Variants in OLA1 observed in about 807,000 individuals in gnomAD.
OLA1 encodes the protein Obg like ATPase 1, also known as obg-like ATPase 1.
OLA1 carries 14 observed loss-of-function variants against 48.4 expected under a neutral mutation model. The ratio of observed to expected loss-of-function variants is 0.29; its 90% CI spans 0.19 to 0.45. The LOEUF is 0.45. OLA1 is among the 20% of genes least tolerant of loss of function. OLA1 has a pLI of 1.00. For synonymous variants in OLA1, 127 were observed against 150.4 expected, an observed-to-expected ratio of 0.84 and a Z score of 1.14; for missense variants, 325 against 467.1, an observed-to-expected ratio of 0.70 and a Z score of 2.80.
intron 8 of OLA1, among the ~76,000 whole-genome samples, 172 bp downstream of exon 8, chr2:174,081,752 A>T (rs1684858459): frequency 6.6e-6 from 1 of 152,150 alleles, no homozygotes; most frequent in South Asian, 2.1e-4. Flanking sequence ...TGACAGTTAA[A>T]AACTTAATTT....
chr2:174,147,105 A>G (rs1419149265), intron 4 of OLA1, among the ~76,000 whole-genome samples: 1 of 152,176 alleles, frequency 6.6e-6, no homozygotes, highest in Non-Finnish European at 1.5e-5. Context: ...ATCAAGTCAC[A>G]CATTTTCAAG....
intron 5 of OLA1, among the ~76,000 whole-genome samples, chr2:174,124,957 A>G (rs1686014129): frequency 6.6e-6 from 1 of 152,206 alleles, no homozygotes; most frequent in Non-Finnish European, 1.5e-5. Context: ...GGGCAAGCTG[A>G]AAACTTTTAA....
At chr2:174,204,233 C>G (rs1397252241) in intron 4 of OLA1, among the ~76,000 whole-genome samples, 1 of 151,986 alleles carries the variant, frequency 6.6e-6, no homozygotes, top group African/African-American at 2.4e-5. Context: ...AACCCCGTCT[C>G]CACTAAAATT....
intron 4 of OLA1, among the ~76,000 whole-genome samples, chr2:174,178,715 T>C (rs1222230303): frequency 6.6e-6 from 1 of 151,978 alleles, no homozygotes; most frequent in African/African-American, 2.4e-5. Flanking sequence ...TTGGTTTAAA[T>C]GTCTAATCAC....
At chr2:174,193,176 G>A (rs1457289832) in intron 4 of OLA1, among the ~76,000 whole-genome samples, 1 of 148,684 alleles carries the variant, frequency 6.7e-6, no homozygotes, top group African/African-American at 2.5e-5. Context: ...TGCAACTTCC[G>A]CCCTCTGGAT....
intron 3 of OLA1, among the ~76,000 whole-genome samples, chr2:174,226,750 C>T (rs1285737635): frequency 6.6e-6 from 1 of 152,106 alleles, no homozygotes; most frequent in Non-Finnish European, 1.5e-5. Context: ...CTTCCCACCT[C>T]GGCCTCCCAA....
At chr2:174,194,583 T>G in intron 4 of OLA1, among the ~76,000 whole-genome samples, 1 of 152,160 alleles carries the variant, frequency 6.6e-6, no homozygotes, top group Non-Finnish European at 1.5e-5. Flanking sequence ...TAAAAATATT[T>G]CCCGATGACT....
rs970809717 is a variant in OLA1, at chr2:174,211,203, ACACTCT to A, written c.373+11824_373+11829del. ...ACAACACACACACACACACACACAC[ACACTCT>A]CTCTCTCTCTCTCTTTCTCTCACTA... On this transcript the variant is annotated intron_variant, in intron 4 of 10. Transcript: ENST00000284719. Among the ~76,000 whole-genome samples, 20 of 126,332 alleles carry A rather than the reference ACACTCT, an allele frequency of 1.6e-4. 1 individual carries two copies. Among genetic ancestry groups the A allele is most frequent in the African/African-American group, 5.8e-4 (20 of 34,482 alleles). 82.9% of individuals were successfully genotyped at this position (126,332 alleles called of 152,430 possible). A position where few individuals can be genotyped will look rare whatever the true frequency, so the allele number is the denominator to read the frequency against.
chr2:174,101,697 C>G (rs750860437), intron 7 of OLA1, among the ~76,000 whole-genome samples: 22 of 152,050 alleles, frequency 1.4e-4, no homozygotes, highest in Non-Finnish European at 2.6e-4. Flanking sequence ...GCAACAGAGT[C>G]AAGGACAGTA....
At chr2:174,149,212 C>T (rs899463934) in intron 4 of OLA1, among the ~76,000 whole-genome samples, 1 of 152,192 alleles carries the variant, frequency 6.6e-6, no homozygotes, top group African/African-American at 2.4e-5. Context: ...AATCTAACAG[C>T]CATTCTATAG....
chr2:174,238,184 A>G (rs1188447028), intron 2 of OLA1, among the ~76,000 whole-genome samples: 1 of 152,208 alleles, frequency 6.6e-6, no homozygotes, highest in Non-Finnish European at 1.5e-5. Context: ...AAAGATGTCA[A>G]TATTCTTAGC....
At chr2:174,153,936 G>A (rs1686807424) in intron 4 of OLA1, among the ~76,000 whole-genome samples, 2 of 152,090 alleles carry the variant, frequency 1.3e-5, no homozygotes, top group Non-Finnish European at 2.9e-5. Context: ...GCACAATCAC[G>A]ACTCATTGCA....
chr2:174,164,014 G>A (rs1382747219), intron 4 of OLA1, among the ~76,000 whole-genome samples: 1 of 151,466 alleles, frequency 6.6e-6, no homozygotes, highest in East Asian at 2.0e-4. Context: ...AATCATGGGA[G>A]TGGTTACCCC....
intron 5 of OLA1, among the ~76,000 whole-genome samples, chr2:174,134,094 G>T (rs191010403): frequency 6.6e-6 from 1 of 152,192 alleles, no homozygotes; most frequent in Admixed American, 6.5e-5. Flanking sequence ...CATGCACATT[G>T]TAGTATCAGT....
intron 4 of OLA1, among the ~76,000 whole-genome samples, chr2:174,181,605 G>A (rs1428594193): frequency 6.6e-6 from 1 of 152,004 alleles, no homozygotes; most frequent in Non-Finnish European, 1.5e-5. Context: ...TATGATCAGA[G>A]GGAAAGGTAG....
intron 7 of OLA1, among the ~76,000 whole-genome samples, chr2:174,090,240 T>C (rs1685083851): frequency 1.3e-5 from 2 of 152,200 alleles, no homozygotes; most frequent in Admixed American, 1.3e-4. Context: ...TCAGACTTTC[T>C]GTTTTGAGGA....
rs980732164 is a variant in OLA1 at position 174,133,986 on chromosome 2, T to C, written c.549+7839A>G. ...CCACCAATATGCAGTTCTGTCTCTA[T>C]GGATTTGCCTATTCTGAACACTTCA... On this transcript the variant is annotated intron_variant, in intron 5 of 10. Coordinates refer to ENST00000284719, the MANE Select transcript of OLA1 (RefSeq NM_013341.5). Among the ~76,000 whole-genome samples, 19 of 152,344 alleles carry C rather than the reference T, an allele frequency of 1.2e-4. No individual in the cohort carries two copies. In the South Asian group the frequency reaches 1.4e-3, roughly 12 times the overall value.
At chr2:174,114,552 G>C (rs985063904) in intron 7 of OLA1, among the ~76,000 whole-genome samples, 2 of 152,004 alleles carry the variant, frequency 1.3e-5, no homozygotes, top group African/African-American at 4.8e-5. Flanking sequence ...GATTACCAAT[G>C]AACAGATGCT....
intron 4 of OLA1, among the ~76,000 whole-genome samples, chr2:174,199,354 A>C (rs1009117014): frequency 6.6e-6 from 1 of 152,154 alleles, no homozygotes; most frequent in Non-Finnish European, 1.5e-5. Flanking sequence ...CCATGTTCCC[A>C]ATTCCCTGAA....
Sources: gnomAD v4.1 joint callset for allele counts (sites outside exome capture counted in the v4.1 genomes callset) on GRCh38, gnomAD v4.1.1 for gene constraint, MANE v1.5 for transcripts, NCBI Gene and HGNC (gene_info 2026-07-23, HGNC 2026-07-21) for gene names.